DGKE: variants seen among roughly 807,000 people sequenced by gnomAD.
DGKE encodes diacylglycerol kinase epsilon, also known as DAG kinase epsilon.
In DGKE, 53 loss-of-function variants were observed where a neutral mutation model predicts 70.0. That is an observed-to-expected ratio of 0.76 (90% CI 0.61 to 0.95). The LOEUF (loss-of-function observed/expected upper bound fraction) is 0.95, where lower values mean the gene tolerates loss of function less well. Among genes scored for constraint, DGKE ranks in the 40% least tolerant of loss-of-function variants. The probability of loss-of-function intolerance (pLI) is 0.00; values close to 1 mark genes in which losing one functional copy is unlikely to be tolerated. For synonymous variants in DGKE, 291 were observed against 257.0 expected, an observed-to-expected ratio of 1.13 and a Z score of -1.27; for missense variants, 655 against 706.9, an observed-to-expected ratio of 0.93 and a Z score of 0.83.
chr17:56,850,382 C>T (rs1306080676), intron 7 of DGKE, among the ~76,000 whole-genome samples: 1 of 152,170 alleles, frequency 6.6e-6, no homozygotes, highest in African/African-American at 2.4e-5. Flanking sequence ...ATCCTCCCAC[C>T]TCAGCCTTCC....
At chr17:56,844,876 G>GGATATACCAAAAATAATT (rs1907191665) in intron 3 of DGKE, among the ~76,000 whole-genome samples, 1 of 151,924 alleles carries the variant, frequency 6.6e-6, no homozygotes, top group African/African-American at 2.4e-5. Context: ...TTTTCTAATT[G>GGATATACCAAAAATAATT]GATATACCAA....
intron 4 of DGKE, 86 bp downstream of exon 4, chr17:56,845,895 C>G: frequency 1.6e-6 from 2 of 1,286,730 alleles, no homozygotes; most frequent in Non-Finnish European, 2.1e-6. Context: ...CACTAATCAC[C>G]TGATCATAGG....
intron 4 of DGKE, 43 bp downstream of exon 4, chr17:56,845,852 C>A: frequency 6.5e-7 from 1 of 1,530,840 alleles, no homozygotes; most frequent in Admixed American, 2.1e-5. Flanking sequence ...TTTTCATTTT[C>A]CCCAAAATGC....
At position 56,862,753 on chromosome 17, in the gene DGKE, A is replaced by G. The variant is rs746177253; in HGVS notation, c.1666A>G (p.Ser556Gly). Reference sequence around the variant, plus strand: ...AGAACAAACAGATGATGACATCTCTAGTACTTCGGATCAAGAAGATATAAA... The same window carrying G: ...AGAACAAACAGATGATGACATCTCTGGTACTTCGGATCAAGAAGATATAAA... ...SGEQTDDDIS[S>G]TSDQEDIKAT... Residue 556 changes from serine (S) to glycine (G), a missense_variant, in exon 12 of 12, where the codon AGT becomes GGT. By Grantham distance (56) the Ser-to-Gly change is moderately conservative (BLOSUM62 0). Transcript: ENST00000284061. The G allele has an allele frequency of 1.3e-6, 2 of 1,595,308 alleles. No homozygotes were observed.
At chr17:56,850,112 ATCTTT>A (rs1907558460) in intron 7 of DGKE, among the ~76,000 whole-genome samples, 1 of 150,304 alleles carries the variant, frequency 6.7e-6, no homozygotes. Context: ...CAAGAACTAC[ATCTTT>A]TCTTTTTTTT....
At chr17:56,861,115 G>A (rs1908264077) in intron 9 of DGKE, among the ~76,000 whole-genome samples, 1 of 152,164 alleles carries the variant, frequency 6.6e-6, no homozygotes, top group Non-Finnish European at 1.5e-5. Context: ...CATAGAAATA[G>A]CATCAACAGT....
chr17:56,835,393 C>A, intron 2 of DGKE, 134 bp downstream of exon 2: 2 of 950,716 alleles, frequency 2.1e-6, no homozygotes, highest in Non-Finnish European at 3.0e-6. Context: ...AATAAATAAA[C>A]ATCCCTGAGT....
At chr17:56,837,214 GT>G (rs542964735) in intron 2 of DGKE, among the ~76,000 whole-genome samples, 6 of 147,632 alleles carry the variant, frequency 4.1e-5, no homozygotes, top group East Asian at 2.0e-4. Flanking sequence ...CCGTTTTTTT[GT>G]TTTTTTTTTC....
At chr17:56,858,788 G>C (rs916667754) in intron 9 of DGKE, 123 bp downstream of exon 9, 1 of 657,954 alleles carries the variant, frequency 1.5e-6, no homozygotes, top group Non-Finnish European at 2.5e-6. Context: ...GTATTTATTT[G>C]TGTGCCAGGC....
chr17:56,847,665 C>G (rs1907375842), intron 4 of DGKE: 1 of 189,020 alleles, frequency 5.3e-6, no homozygotes, highest in South Asian at 1.7e-4. Context: ...CCTGGACAAT[C>G]ACAGGCAAGT....
At chr17:56,843,348 A>G (rs1403373768) in intron 2 of DGKE, among the ~76,000 whole-genome samples, 2 of 152,198 alleles carry the variant, frequency 1.3e-5, no homozygotes, top group Admixed American at 6.5e-5. Context: ...CTAGAGTATC[A>G]TATTTGCTTC....
rs774393621 is a variant in DGKE, at chr17:56,847,904, TTTTTC to T, written c.745-13_745-9del. The T allele has an allele frequency of 1.2e-5, 18 of 1,530,696 alleles. No homozygotes were observed. Among genetic ancestry groups the T allele is most frequent in the Non-Finnish European group, 1.5e-5 (17 of 1,138,490 alleles). The allele number at this position is 1,530,696 out of a possible 1,614,324, so 94.8% of individuals were successfully genotyped here. On this transcript the variant is annotated splice_polypyrimidine_tract_variant and intron_variant, in intron 4 of 11. Coordinates refer to ENST00000284061, the MANE Select transcript of DGKE (RefSeq NM_003647.3). ...AAATGTTGGATAAAAATAATTTGTC[TTTTTC>T]TTTTGTTTCTAGGTTTTTGATGTAA...
intron 9 of DGKE, among the ~76,000 whole-genome samples, chr17:56,860,252 GC>G (rs1484657335): frequency 3.3e-5 from 5 of 152,150 alleles, no homozygotes; most frequent in African/African-American, 7.2e-5. Flanking sequence ...AGATATTTAA[GC>G]CAGTCTGGGC....
At chr17:56,850,727 C>T (rs187626394) in intron 7 of DGKE, among the ~76,000 whole-genome samples, 7 of 152,238 alleles carry the variant, frequency 4.6e-5, no homozygotes, top group African/African-American at 1.7e-4. Context: ...AAAGAGATCA[C>T]AGCAGTCTTC....
chr17:56,848,891 T>A lies in DGKE; in HGVS notation c.1046+38T>A, dbSNP rs569749387. ...TCCCCAAAAAGTAGATTTCTTGAGA[T>A]TTAGCCATAATTGGTTAACAAGTGA... On this transcript the variant is annotated intron_variant, in intron 6 of 11. Transcript: ENST00000284061. 8 of 1,613,190 alleles carry A rather than the reference T, an allele frequency of 5.0e-6. No individual in the cohort carries two copies. In the South Asian group the frequency reaches 8.8e-5, roughly 18 times the overall value.
At chr17:56,858,523 C>G (rs889087426) in intron 8 of DGKE, 71 bp from the exon 9 acceptor site, 73 of 1,250,576 alleles carry the variant, frequency 5.8e-5, no homozygotes, top group Middle Eastern at 1.9e-4. Context: ...AGCTTTGATA[C>G]AGCGTATTTT....
In DGKE at chr17:56,843,961, G is replaced by A. The variant is rs3760157; in HGVS notation, c.465-58G>A. 0.73 allele frequency: 1,043,509 copies of A among 1,433,554 alleles called. 382,202 individuals are homozygous for A. The highest frequency in any genetic ancestry group is 0.88 in the East Asian group (33,370 of 37,940). 88.8% of individuals were successfully genotyped at this position (1,433,554 alleles called of 1,614,324 possible). On this transcript the variant is annotated intron_variant, in intron 2 of 11. Transcript: ENST00000284061. ...TTTTAACAAAAATGATTGTTTTGTG[G>A]GTTATCATTGAGATTATGGTTTAAA... is the stretch of plus-strand genomic sequence containing the variant.
At position 56,858,590 on chromosome 17, in the gene DGKE, A is replaced by C. The variant is rs747873362; in HGVS notation, c.1213-4A>C. 1.3e-6 allele frequency: 2 copies of C among 1,595,474 alleles called. No individual in the cohort carries two copies. Among genetic ancestry groups the C allele is most frequent in the East Asian group, 2.2e-5 (1 of 44,596 alleles). ...ATATTATATTTTCTGTCCATTTTTC[A>C]TAGGCGGTTTACTTATTCTATGGAA... On this transcript the variant is annotated splice_polypyrimidine_tract_variant and splice_region_variant and intron_variant, in intron 8 of 11. Coordinates refer to ENST00000284061, the MANE Select transcript of DGKE (RefSeq NM_003647.3).
intron 2 of DGKE, among the ~76,000 whole-genome samples, chr17:56,837,040 A>C (rs891321609): frequency 2.0e-5 from 3 of 152,110 alleles, no homozygotes; most frequent in Non-Finnish European, 4.4e-5. Flanking sequence ...CCTATATCTC[A>C]GTGGTTCTCA....
Sources: gnomAD v4.1 joint callset for allele counts (sites outside exome capture counted in the v4.1 genomes callset) on GRCh38, gnomAD v4.1.1 for gene constraint, MANE v1.5 for transcripts, NCBI Gene and HGNC (gene_info 2026-07-23, HGNC 2026-07-21) for gene names.